ZBTB20: variants seen among roughly 807,000 people sequenced by gnomAD.
ZBTB20 encodes the protein zinc finger and BTB domain containing 20, also known as zinc finger and BTB domain-containing protein 20.
In ZBTB20, 9 loss-of-function variants were observed where a neutral mutation model predicts 56.9. That is an observed-to-expected ratio of 0.16 (90% CI 0.10 to 0.28). The LOEUF (loss-of-function observed/expected upper bound fraction) is 0.28. ZBTB20 is among the 10% of genes least tolerant of loss of function. ZBTB20 has a pLI of 1.00. For missense variants in ZBTB20, 655 were observed against 1,003.0 expected (o/e 0.65, Z 4.69); for synonymous variants, 417 against 420.7 (o/e 0.99, Z 0.11).
At chr3:114,457,493 T>TG (rs2092090771) in intron 7 of ZBTB20, among the ~76,000 whole-genome samples, 1 of 152,198 alleles carries the variant, frequency 6.6e-6, no homozygotes, top group African/African-American at 2.4e-5. Flanking sequence ...TAGAAAGGAT[T>TG]GGCAGTAGAG....
rs915196036 is a variant in ZBTB20, at chr3:114,713,332, G to A, written c.-342-19757C>T. On this transcript the variant is annotated intron_variant, in intron 5 of 11. Coordinates refer to ENST00000675478, the MANE Select transcript of ZBTB20 (RefSeq NM_001348800.3). ...ACAACTCCAAGTGTGGTAATTCCCCGTAGAATTAAAATTTCCTAACACAGA... is the reference window on the plus strand; with the variant it reads ...ACAACTCCAAGTGTGGTAATTCCCCATAGAATTAAAATTTCCTAACACAGA... 3.9e-5 allele frequency among the ~76,000 whole-genome samples: 6 copies of A among 152,034 alleles called. No homozygotes were observed. In the East Asian group the frequency reaches 7.7e-4, roughly 19 times the overall value.
intron 2 of ZBTB20, among the ~76,000 whole-genome samples, chr3:115,048,739 C>A (rs1478958458): frequency 1.3e-5 from 2 of 152,070 alleles, no homozygotes; most frequent in Non-Finnish European, 2.9e-5. Context: ...CAATGATTTA[C>A]CCTTTGTTTA....
At chr3:115,095,926 G>A (rs1686635452) in intron 1 of ZBTB20, among the ~76,000 whole-genome samples, 1 of 152,108 alleles carries the variant, frequency 6.6e-6, no homozygotes, top group Admixed American at 6.5e-5. Flanking sequence ...ATAGTTCCTG[G>A]AGATTATGCA....
chr3:114,595,670 A>T (rs745779882), intron 6 of ZBTB20, among the ~76,000 whole-genome samples: 2 of 152,190 alleles, frequency 1.3e-5, no homozygotes, highest in African/African-American at 2.4e-5. Flanking sequence ...GAGCATGACT[A>T]AAAACTGGGC....
chr3:114,762,185 A>T (rs982845558), intron 5 of ZBTB20, among the ~76,000 whole-genome samples: 1 of 152,206 alleles, frequency 6.6e-6, no homozygotes, highest in African/African-American at 2.4e-5. Context: ...ATAATAGAAA[A>T]AATTCTTGTT....
At chr3:115,005,094 C>T (rs1286050296) in intron 2 of ZBTB20, among the ~76,000 whole-genome samples, 1 of 151,562 alleles carries the variant, frequency 6.6e-6, no homozygotes, top group African/African-American at 2.4e-5. Context: ...AAGCCAACAA[C>T]CCCATTTCAA....
At chr3:114,664,979 A>T (rs181460965) in intron 6 of ZBTB20, among the ~76,000 whole-genome samples, 2 of 152,230 alleles carry the variant, frequency 1.3e-5, no homozygotes, top group East Asian at 3.9e-4. Flanking sequence ...AAAATAAATT[A>T]TCCAAAAATG....
At chr3:114,986,813 C>T (rs1672010932) in intron 2 of ZBTB20, among the ~76,000 whole-genome samples, 1 of 152,138 alleles carries the variant, frequency 6.6e-6, no homozygotes, top group African/African-American at 2.4e-5. Flanking sequence ...AATGATAACA[C>T]ACTGTCATAA....
chr3:115,009,484 CATT>C, intron 2 of ZBTB20, among the ~76,000 whole-genome samples: 1 of 152,014 alleles, frequency 6.6e-6, no homozygotes, highest in African/African-American at 2.4e-5. Flanking sequence ...CGTTCTATCA[CATT>C]ATTAGTCCAG....
chr3:114,355,077 T>G (rs1404156466), intron 10 of ZBTB20, among the ~76,000 whole-genome samples: 1 of 152,032 alleles, frequency 6.6e-6, no homozygotes, highest in African/African-American at 2.4e-5. Context: ...AGATCGAGAG[T>G]TATCTTAATT....
intron 6 of ZBTB20, among the ~76,000 whole-genome samples, chr3:114,675,850 C>A (rs1203284278): frequency 3.2e-5 from 1 of 31,188 alleles, no homozygotes; most frequent in African/African-American, 4.4e-5. Flanking sequence ...TTTCAGTCAC[C>A]AACAACAACA....
chr3:114,741,485 C>T (rs1197549286), intron 5 of ZBTB20, among the ~76,000 whole-genome samples: 2 of 152,018 alleles, frequency 1.3e-5, no homozygotes, highest in African/African-American at 4.8e-5. Flanking sequence ...AAAGTATAAC[C>T]TATTAAACAC....
chr3:114,464,676 A>T (rs1286561037), intron 7 of ZBTB20, among the ~76,000 whole-genome samples: 4 of 152,208 alleles, frequency 2.6e-5, no homozygotes, highest in South Asian at 2.1e-4. Context: ...AATTCTGGTC[A>T]AGGAGGTGAA....
intron 6 of ZBTB20, among the ~76,000 whole-genome samples, chr3:114,503,663 T>C (rs1279884150): frequency 6.6e-6 from 1 of 151,738 alleles, no homozygotes; most frequent in Non-Finnish European, 1.5e-5. Flanking sequence ...TAGCAAAGAG[T>C]ATAAAACTGT....
At chr3:115,097,688 A>G (rs2083431545) in intron 1 of ZBTB20, among the ~76,000 whole-genome samples, 1 of 152,182 alleles carries the variant, frequency 6.6e-6, no homozygotes, top group Non-Finnish European at 1.5e-5. Context: ...GACTTTGGGG[A>G]TCTAAACAGG....
In ZBTB20 at chr3:114,843,685, AT is replaced by A. The variant is rs113924099; in HGVS notation, c.-416-42512del. Among the ~76,000 whole-genome samples the A allele has an allele frequency of 5.4e-4, 81 of 150,472 alleles. No homozygotes were observed. In the Middle Eastern group the frequency reaches 0.01, roughly 19 times the overall value. On this transcript the variant is annotated intron_variant, in intron 4 of 11. Coordinates refer to ENST00000675478, the MANE Select transcript of ZBTB20 (RefSeq NM_001348800.3). ...TGGCCAGCCAAGCATATATATATAT[AT>A]TTTTTTTTGAGACGGAGTCTCACTC...
intron 5 of ZBTB20, among the ~76,000 whole-genome samples, chr3:114,696,813 AAG>A (rs916530098): frequency 3.9e-5 from 6 of 151,980 alleles, no homozygotes; most frequent in Non-Finnish European, 8.8e-5. Context: ...GCGAGAGAAA[AAG>A]AGAGAGAGAA....
chr3:114,787,331 T>TTTA lies in ZBTB20; in HGVS notation c.-343+13769_-343+13770insTAA, dbSNP rs1465612106. Among the ~76,000 whole-genome samples the TTTA allele has an allele frequency of 7.2e-4, 72 of 100,572 alleles. 1 individual carries two copies. Among genetic ancestry groups the TTTA allele is most frequent in the Non-Finnish European group, 1.1e-3 (60 of 54,794 alleles). 66.0% of individuals were successfully genotyped at this position (100,572 alleles called of 152,430 possible). ...AGTGAAAGAAGCCAGTCTTAAAAGG[T>TTTA]TATATATATATATATATATATATAT... is the stretch of plus-strand genomic sequence containing the variant. On this transcript the variant is annotated intron_variant, in intron 5 of 11. Transcript: ENST00000675478.
At chr3:114,673,759 A>C (rs888285679) in intron 6 of ZBTB20, among the ~76,000 whole-genome samples, 43 of 152,258 alleles carry the variant, frequency 2.8e-4, no homozygotes, top group Middle Eastern at 3.4e-3. Context: ...CATCAGTGCA[A>C]CATCTAAAAT....
Sources: gnomAD v4.1 joint callset for allele counts (sites outside exome capture counted in the v4.1 genomes callset) on GRCh38, gnomAD v4.1.1 for gene constraint, MANE v1.5 for transcripts, NCBI Gene and HGNC (gene_info 2026-07-23, HGNC 2026-07-21) for gene names.